Variants in OXCT1 observed in about 807,000 individuals in gnomAD.
OXCT1 encodes the protein succinyl-CoA:3-ketoacid coenzyme A transferase 1, mitochondrial.
A neutral mutation model predicts 69.6 loss-of-function variants in OXCT1; 27 were observed. The observed-to-expected ratio is 0.39, with a 90% CI of 0.29 to 0.54. The LOEUF (loss-of-function observed/expected upper bound fraction) is 0.54. Among genes scored for constraint, OXCT1 ranks in the 20% least tolerant of loss-of-function variants. The probability of loss-of-function intolerance (pLI) is 0.72; values close to 1 mark genes in which losing one functional copy is unlikely to be tolerated. For synonymous variants in OXCT1, 202 were observed against 217.8 expected, an observed-to-expected ratio of 0.93 and a Z score of 0.64; for missense variants, 437 against 650.2, an observed-to-expected ratio of 0.67 and a Z score of 3.57.
chr5:41,790,323 C>T (rs1745854058), intron 13 of OXCT1, among the ~76,000 whole-genome samples: 1 of 152,230 alleles, frequency 6.6e-6, no homozygotes, highest in Admixed American at 6.5e-5. Context: ...AATATAGATT[C>T]AGCGGACTGC....
intron 13 of OXCT1, among the ~76,000 whole-genome samples, chr5:41,786,290 C>T (rs1395033567): frequency 6.6e-6 from 1 of 152,098 alleles, no homozygotes; most frequent in East Asian, 1.9e-4. Context: ...TTTTATGGAC[C>T]AGAGATCATG....
intron 7 of OXCT1, among the ~76,000 whole-genome samples, chr5:41,831,811 T>C (rs1360582361): frequency 6.6e-6 from 1 of 152,190 alleles, no homozygotes; most frequent in Admixed American, 6.5e-5. Flanking sequence ...TATATGTTCA[T>C]TATCCTCAAA....
chr5:41,735,995 T>C (rs984697390), intron 16 of OXCT1, among the ~76,000 whole-genome samples: 4 of 152,108 alleles, frequency 2.6e-5, no homozygotes, highest in Non-Finnish European at 4.4e-5. Context: ...ATCTGTGGGG[T>C]TCACAACTGA....
chr5:41,827,444 A>G (rs776682530), intron 7 of OXCT1, among the ~76,000 whole-genome samples: 3 of 152,074 alleles, frequency 2.0e-5, no homozygotes, highest in Non-Finnish European at 2.9e-5. Flanking sequence ...CTCCAACTTC[A>G]CCTGGTGATT....
At chr5:41,764,227 T>C (rs1034845339) in intron 13 of OXCT1, among the ~76,000 whole-genome samples, 1 of 152,180 alleles carries the variant, frequency 6.6e-6, no homozygotes, top group Non-Finnish European at 1.5e-5. Context: ...AGATCTAGCC[T>C]GTTAACTATG....
chr5:41,826,948 C>A (rs1259584429), intron 7 of OXCT1, among the ~76,000 whole-genome samples: 2 of 152,092 alleles, frequency 1.3e-5, no homozygotes, highest in Admixed American at 6.6e-5. Context: ...AGGAGTGAAT[C>A]TCTACCTTTC....
At chr5:41,836,719 C>T (rs536983012) in intron 7 of OXCT1, among the ~76,000 whole-genome samples, 14 of 152,088 alleles carry the variant, frequency 9.2e-5, no homozygotes, top group Non-Finnish European at 2.1e-4. Context: ...GAATATAATG[C>T]CAGGGCTGAT....
At chr5:41,780,099 T>C (rs901858473) in intron 13 of OXCT1, among the ~76,000 whole-genome samples, 8 of 152,158 alleles carry the variant, frequency 5.3e-5, no homozygotes, top group African/African-American at 1.7e-4. Flanking sequence ...ATAATAACAG[T>C]CTGAGGAAAT....
At chr5:41,819,520 G>A (rs1409562464) in intron 7 of OXCT1, among the ~76,000 whole-genome samples, 6 of 151,996 alleles carry the variant, frequency 3.9e-5, no homozygotes, top group Admixed American at 6.5e-5. Flanking sequence ...ACAGGCATGC[G>A]CCACCACACC....
chr5:41,757,146 T>C (rs549186769), intron 14 of OXCT1, among the ~76,000 whole-genome samples: 1 of 152,150 alleles, frequency 6.6e-6, no homozygotes, highest in Non-Finnish European at 1.5e-5. Flanking sequence ...GCGAAAAAAA[T>C]CACTCTGGCC....
At chr5:41,750,135 G>GTTTTTTTTTTTTTTTTT (rs11291155) in intron 14 of OXCT1, among the ~76,000 whole-genome samples, 1 of 73,922 alleles carries the variant, frequency 1.4e-5, no homozygotes, top group Admixed American at 1.7e-4. Context: ...GTGTTTTTTG[G>GTTTTTTTTTTTTTTTTT]TTTTTTTTTT....
At position 41,840,436 on chromosome 5, in the gene OXCT1, A is replaced by G. The variant is rs778289646; in HGVS notation, c.732+15T>C. Reference sequence around the variant, plus strand: ...TTAAATAATTAACACCAAGAATTCAAAAATAACCTCTTACCTCTACCACTG... The same window carrying G: ...TTAAATAATTAACACCAAGAATTCAGAAATAACCTCTTACCTCTACCACTG... On this transcript the variant is annotated intron_variant, in intron 7 of 16. Coordinates refer to ENST00000196371, the MANE Select transcript of OXCT1 (RefSeq NM_000436.4). 1.5e-5 allele frequency: 24 copies of G among 1,593,988 alleles called. No homozygotes were observed. The highest frequency in any genetic ancestry group is 1.9e-5 in the Non-Finnish European group (22 of 1,162,000).
chr5:41,804,944 T>C (rs1362222119), intron 9 of OXCT1, among the ~76,000 whole-genome samples: 1 of 152,092 alleles, frequency 6.6e-6, no homozygotes, highest in East Asian at 1.9e-4. Context: ...ATTCAATGTC[T>C]ACTGTAGTGA....
intron 13 of OXCT1, among the ~76,000 whole-genome samples, chr5:41,788,593 C>G (rs1231496975): frequency 6.6e-6 from 1 of 152,068 alleles, no homozygotes; most frequent in Non-Finnish European, 1.5e-5. Flanking sequence ...CAGATCAATT[C>G]ATTAAGAGAA....
intron 9 of OXCT1, 45 bp from the exon 10 acceptor site, chr5:41,803,208 A>C (rs1008552326): frequency 7.8e-7 from 1 of 1,276,750 alleles, no homozygotes; most frequent in East Asian, 2.3e-5. Flanking sequence ...AAGGTAGAGA[A>C]GTTATACCAT....
rs1748577107 is a variant in OXCT1, at chr5:41,840,530, T to C, written c.672-19A>G. ...ACTTTTCCTACAGGGGTGGAGGAGATAAGAAAGTGGGGGGGAAAAGACGAA... is the reference window on the plus strand; with the variant it reads ...ACTTTTCCTACAGGGGTGGAGGAGACAAGAAAGTGGGGGGGAAAAGACGAA... On this transcript the variant is annotated intron_variant, in intron 6 of 16. Transcript: ENST00000196371. 1 of 1,586,816 alleles carries C rather than the reference T, an allele frequency of 6.3e-7. No homozygotes were observed. Among genetic ancestry groups the C allele is most frequent in the East Asian group, 2.2e-5 (1 of 44,670 alleles).
In OXCT1 at chr5:41,762,678, C is replaced by T. The variant is rs573638616; in HGVS notation, c.1249-478G>A. Reference sequence around the variant, plus strand: ...AGGCTGAGGCATGAATGGTGTTTTTCTAGTAATGGCTAATATGAAAGGTGG... The same window carrying T: ...AGGCTGAGGCATGAATGGTGTTTTTTTAGTAATGGCTAATATGAAAGGTGG... On this transcript the variant is annotated intron_variant, in intron 13 of 16. Coordinates refer to ENST00000196371, the MANE Select transcript of OXCT1 (RefSeq NM_000436.4). The surrounding 1 kb of genome is among the most constrained non-coding windows in gnomAD (Gnocchi z 4.0). 1.3e-5 allele frequency among the ~76,000 whole-genome samples: 2 copies of T among 152,180 alleles called. No homozygotes were observed. The highest frequency in any genetic ancestry group is 4.8e-5 in the African/African-American group (2 of 41,540).
Position 41,743,770 on chromosome 5 carries a change from G to A in OXCT1, c.1420-4279C>T, listed in dbSNP as rs186181335. Among the ~76,000 whole-genome samples the A allele has an allele frequency of 7.2e-4, 109 of 152,268 alleles. 1 individual carries two copies. Among genetic ancestry groups the A allele is most frequent in the Non-Finnish European group, 1.3e-3 (88 of 68,010 alleles). The stretch of plus-strand genomic sequence containing the variant: ...CCCATTGCTTGTTTTTGTCAGGTTT[G>A]TCAAAGATCAGATAGTTGTACATAT... On this transcript the variant is annotated intron_variant, in intron 15 of 16. Transcript: ENST00000196371.
intron 13 of OXCT1, among the ~76,000 whole-genome samples, chr5:41,765,024 T>C (rs1744530918): frequency 6.6e-6 from 1 of 152,140 alleles, no homozygotes; most frequent in African/African-American, 2.4e-5. Flanking sequence ...CCAAAGGATT[T>C]CTGAAACAGT....
Sources: allele counts gnomAD v4.1 joint callset (sites outside exome capture counted in the v4.1 genomes callset), GRCh38; gene constraint gnomAD v4.1.1; non-coding constraint Gnocchi (gnomAD v3.1); transcripts MANE v1.5; gene names NCBI Gene and HGNC (gene_info 2026-07-23, HGNC 2026-07-21).